GPHN: variants seen among roughly 807,000 people sequenced by gnomAD.
GPHN encodes the protein gephyrin.
In GPHN, 17 loss-of-function variants were observed where a neutral mutation model predicts 95.5. The ratio of observed to expected loss-of-function variants is 0.18; its 90% CI spans 0.12 to 0.27. The LOEUF is 0.27. GPHN is among the 10% of genes least tolerant of loss of function. GPHN has a pLI of 1.00. For missense variants in GPHN, 660 were observed against 978.1 expected (o/e 0.67, Z 4.34); for synonymous variants, 320 against 322.5 (o/e 0.99, Z 0.08).
chr14:67,449,324 A>G, the GPHN span, among the ~76,000 whole-genome samples: 1 of 152,336 alleles, frequency 6.6e-6, no homozygotes, highest in Non-Finnish European at 1.5e-5. Context: ...GATATGATCC[A>G]CTTGTCCAGA....
At chr14:66,630,634 G>T (rs542046630) in intron 1 of GPHN, among the ~76,000 whole-genome samples, 2 of 152,108 alleles carry the variant, frequency 1.3e-5, no homozygotes, top group Non-Finnish European at 2.9e-5. Context: ...ACCACACCTG[G>T]CTAATTTTTT....
intron 1 of GPHN, among the ~76,000 whole-genome samples, chr14:66,524,577 C>G (rs903836607): frequency 1.3e-5 from 2 of 152,022 alleles, no homozygotes; most frequent in Non-Finnish European, 2.9e-5. Context: ...ATACACGTGC[C>G]ATGGTGGTTT....
chr14:66,544,538 A>G (rs1461777843), intron 1 of GPHN, among the ~76,000 whole-genome samples: 5 of 150,726 alleles, frequency 3.3e-5, no homozygotes, highest in African/African-American at 1.2e-4. Flanking sequence ...CCCAATGAAT[A>G]TTTGTTGAAT....
the GPHN span, among the ~76,000 whole-genome samples, chr14:67,280,907 T>C: frequency 1.4e-5 from 2 of 147,122 alleles, no homozygotes; most frequent in African/African-American, 2.5e-5. Flanking sequence ...TTCTTTCTTT[T>C]TTTTTTTGAG....
intron 3 of GPHN, among the ~76,000 whole-genome samples, chr14:66,818,807 G>T (rs992363485): frequency 6.6e-6 from 1 of 151,806 alleles, no homozygotes. Context: ...TGCATGAGAT[G>T]ATATCTCGTT....
At chr14:67,381,452 TA>T in the GPHN span, 1 of 535,356 alleles carries the variant, frequency 1.9e-6, no homozygotes, top group African/African-American at 1.9e-5. Context: ...CTCCCTTTTA[TA>T]AATAAGGAAC....
chr14:67,160,038 C>T (rs2081879001), intron 19 of GPHN, among the ~76,000 whole-genome samples: 1 of 152,180 alleles, frequency 6.6e-6, no homozygotes, highest in African/African-American at 2.4e-5. Context: ...ATACCCTGAT[C>T]ATATTCAAAT....
chr14:66,762,205 T>C (rs1705814254), intron 2 of GPHN, among the ~76,000 whole-genome samples: 6 of 151,960 alleles, frequency 3.9e-5, no homozygotes. Context: ...TAAATAAAAC[T>C]GCAAATAAGA....
chr14:67,439,586 T>TTTCTTTCTTTC, the GPHN span, among the ~76,000 whole-genome samples: 336 of 139,558 alleles, frequency 2.4e-3, 1 homozygote, highest in Middle Eastern at 7.0e-3. Context: ...TCTTTCTTTC[T>TTTCTTTCTTTC]TTCTTTCTTC....
chr14:67,083,346 T>G (rs1682842959), intron 11 of GPHN, among the ~76,000 whole-genome samples: 1 of 152,030 alleles, frequency 6.6e-6, no homozygotes, highest in African/African-American at 2.4e-5. Flanking sequence ...TCTCTTGAGA[T>G]CTGGTTGTTT....
At chr14:66,575,701 G>T (rs958137418) in intron 1 of GPHN, among the ~76,000 whole-genome samples, 14 of 152,110 alleles carry the variant, frequency 9.2e-5, no homozygotes, top group African/African-American at 3.1e-4. Context: ...GTGCCTGGGG[G>T]CTGTCTTGGC....
chr14:67,545,079 G>GT, the GPHN span, among the ~76,000 whole-genome samples: 120 of 152,302 alleles, frequency 7.9e-4, no homozygotes, highest in African/African-American at 2.8e-3. Flanking sequence ...CCAGGCTGAT[G>GT]TTTCTTTCTT....
At chr14:66,681,225 T>C (rs1412115740) in intron 2 of GPHN, 40 bp downstream of exon 2, 14 of 1,171,000 alleles carry the variant, frequency 1.2e-5, no homozygotes, top group Non-Finnish European at 1.8e-5. Flanking sequence ...AAATTAAAAC[T>C]TTATTATTAG....
chr14:67,393,227 T>G, the GPHN span: 1 of 1,613,212 alleles, frequency 6.2e-7, no homozygotes, highest in Admixed American at 1.7e-5. Flanking sequence ...ATCGTGCATC[T>G]TGTCCACAAT....
At chr14:66,515,822 T>C (rs1173709207) in intron 1 of GPHN, among the ~76,000 whole-genome samples, 2 of 152,214 alleles carry the variant, frequency 1.3e-5, no homozygotes. Flanking sequence ...TTAAGACAGT[T>C]CAATCTTTCT....
At chr14:67,351,106 A>T in the GPHN span, among the ~76,000 whole-genome samples, 1 of 152,234 alleles carries the variant, frequency 6.6e-6, no homozygotes, top group Non-Finnish European at 1.5e-5. Context: ...AAGAGAAGAA[A>T]AACTGGGTCA....
intron 2 of GPHN, among the ~76,000 whole-genome samples, chr14:66,696,448 G>A (rs569101878): frequency 4.6e-5 from 7 of 152,262 alleles, no homozygotes; most frequent in African/African-American, 1.7e-4. Flanking sequence ...GTGTGTTCTT[G>A]TTTTTGTGTG....
In GPHN at chr14:66,651,478, T is replaced by TG. The variant is rs1422978331; in HGVS notation, c.65-29628dup. Among the ~76,000 whole-genome samples the TG allele has an allele frequency of 2.0e-5, 3 of 152,276 alleles. No individual in the cohort carries two copies. In the East Asian group the frequency reaches 5.8e-4, roughly 29 times the overall value. ...CACCTATCTCGGCTTTCAAAAGAGT[T>TG]GAGTATTACCTCCCAACCACAAAAG... On this transcript the variant is annotated intron_variant, in intron 1 of 22. Transcript: ENST00000478722.
intron 9 of GPHN, among the ~76,000 whole-genome samples, chr14:67,005,948 T>C (rs1379808407): frequency 1.3e-5 from 2 of 151,530 alleles, no homozygotes; most frequent in Admixed American, 6.6e-5. Context: ...AAAGTAGGTA[T>C]ATTGGTACTC....
Sources: allele counts gnomAD v4.1 joint callset (sites outside exome capture counted in the v4.1 genomes callset), GRCh38; gene constraint gnomAD v4.1.1; transcripts MANE v1.5; gene names NCBI Gene and HGNC (gene_info 2026-07-23, HGNC 2026-07-21).